Variants in PIANP observed in about 807,000 individuals in gnomAD.
The protein encoded by PIANP is PILR alpha associated neural protein.
PIANP carries 14 observed loss-of-function variants against 28.9 expected under a neutral mutation model. The ratio of observed to expected loss-of-function variants is 0.49; its 90% CI spans 0.32 to 0.76. The LOEUF (loss-of-function observed/expected upper bound fraction) is 0.76, where lower values mean the gene tolerates loss of function less well. Ranked by LOEUF, PIANP falls within the 30% of genes least tolerant of loss-of-function variation. The pLI is 0.03. For synonymous variants in PIANP, 149 were observed against 156.6 expected (o/e 0.95, Z 0.36); for missense variants, 322 against 371.8 (o/e 0.87, Z 1.10).
Position 6,694,991 on chromosome 12 carries a change from C to T in PIANP, c.*435G>A, listed in dbSNP as rs555075220. 3.1e-5 allele frequency: 48 copies of T among 1,537,982 alleles called. No homozygotes were observed. Among genetic ancestry groups the T allele is most frequent in the African/African-American group, 9.6e-5 (7 of 72,964 alleles). ...ACCCTCAGTGGGATGGGGGCTGTGC[C>T]GGCCCCTTGGCCTCCTGCTTGGCTG... is the stretch of plus-strand genomic sequence containing the variant. On this transcript the variant is annotated 3_prime_UTR_variant, in exon 5 of 5. Coordinates refer to ENST00000534837, the MANE Select transcript of PIANP (RefSeq NM_001244014.2). This position sits in a 1 kb window ranked among gnomAD's most constrained non-coding sequence, Gnocchi z 6.1.
rs1959855740 is a variant in PIANP, at chr12:6,696,155, T to C, written c.605+288A>G. On this transcript the variant is annotated intron_variant, in intron 4 of 4. Transcript: ENST00000534837. This position sits in a 1 kb window ranked among gnomAD's most constrained non-coding sequence, Gnocchi z 4.0. ...AAGGGCTCTGCAGACTGGGTCAGCT[T>C]TCTCTGTCTTGGAGGAAGTAGGGGC... Among the ~76,000 whole-genome samples the C allele has an allele frequency of 1.3e-5, 2 of 152,024 alleles. No individual in the cohort carries two copies.
In PIANP at chr12:6,696,359, T is replaced by A; in HGVS notation, c.605+84A>T. The A allele has an allele frequency of 2.8e-6, 3 of 1,064,048 alleles. No homozygotes were observed. Among genetic ancestry groups the A allele is most frequent in the Non-Finnish European group, 3.9e-6 (3 of 764,162 alleles). 65.9% of individuals were successfully genotyped at this position (1,064,048 alleles called of 1,614,324 possible). On this transcript the variant is annotated intron_variant, in intron 4 of 4. Coordinates refer to ENST00000534837, the MANE Select transcript of PIANP (RefSeq NM_001244014.2). This position sits in a 1 kb window ranked among gnomAD's most constrained non-coding sequence, Gnocchi z 4.0. ...TTTCCCACCCACCCCCCAGCAAAAT[T>A]GCTGCCACTGCCCCTCGTGGTTAGA...
chr12:6,695,616 C>A lies in PIANP; in HGVS notation c.641G>T (p.Gly214Val). 1 of 1,568,662 alleles carries A rather than the reference C, an allele frequency of 6.4e-7. No individual in the cohort carries two copies. The highest frequency in any genetic ancestry group is 8.6e-7 in the Non-Finnish European group (1 of 1,157,060). Reference protein sequence around the residue: ...DRSQKRRRPSGQQGALRQEES... With the variant: ...DRSQKRRRPSVQQGALRQEES... Reference sequence around the variant, plus strand: ...CTCCTGCCTCAGGGCACCTTGCTGCCCTGAGGGTCTGCGTCGCTTCTGGCT... The same window carrying A: ...CTCCTGCCTCAGGGCACCTTGCTGCACTGAGGGTCTGCGTCGCTTCTGGCT... Residue 214 changes from glycine to valine, a missense_variant, in exon 5 of 5, where the codon GGG (glycine) becomes GTG (valine). Physicochemically the swap from Gly to Val is moderately radical, Grantham distance 109. Coordinates refer to ENST00000534837, the MANE Select transcript of PIANP (RefSeq NM_001244014.2). The surrounding 1 kb of genome is among the most constrained non-coding windows in gnomAD (Gnocchi z 4.2).
chr12:6,700,675 G>A lies in PIANP; in HGVS notation c.-105C>T, dbSNP rs1960029220. 6.6e-6 allele frequency: 1 copy of A among 151,738 alleles called. No individual in the cohort carries two copies. The highest frequency in any genetic ancestry group is 1.5e-5 in the Non-Finnish European group (1 of 68,008). The allele number at this position is 151,738 out of a possible 1,614,324, so 9.4% of individuals were successfully genotyped here. ...GCTCGGGACTGAGCGGGGCTGGGGGGTCGCAGGAGCGGGCGGGGTGCGGGG... is the reference window on the plus strand; with the variant it reads ...GCTCGGGACTGAGCGGGGCTGGGGGATCGCAGGAGCGGGCGGGGTGCGGGG... On this transcript the variant is annotated 5_prime_UTR_variant, in exon 1 of 5. Transcript: ENST00000534837. The surrounding 1 kb of genome is among the most constrained non-coding windows in gnomAD (Gnocchi z 5.5).
chr12:6,692,737 C>T (rs149926637), downstream of PIANP, among the ~76,000 whole-genome samples: 1,237 of 152,212 alleles, frequency 8.1e-3, 12 homozygotes, highest in African/African-American at 0.028. Context: ...AGTGTGACGC[C>T]CTGAATGCAC....
chr12:6,697,449 T>C lies in PIANP; in HGVS notation c.361A>G (p.Asn121Asp). The C allele has an allele frequency of 6.2e-7, 1 of 1,613,994 alleles. No individual in the cohort carries two copies. The highest frequency in any genetic ancestry group is 8.5e-7 in the Non-Finnish European group (1 of 1,179,884). Reference protein sequence around the residue: ...TVSREDGGDPNSANPGFLDYG... With the variant: ...TVSREDGGDPDSANPGFLDYG... ...TCCAGAAATCCGGGATTGGCAGAGT[T>C]GGGGTCCCCTCCATCCTCTCGAGAC... The change falls in exon 3 of 5, where the codon AAC becomes GAC. Residue 121 changes from asparagine to aspartate, a missense_variant. By Grantham distance (23) the Asn-to-Asp change is conservative (BLOSUM62 1). Coordinates refer to ENST00000534837, the MANE Select transcript of PIANP (RefSeq NM_001244014.2). This position sits in a 1 kb window ranked among gnomAD's most constrained non-coding sequence, Gnocchi z 6.9.
intron 1 of PIANP, chr12:6,698,482 G>A (rs372038524): frequency 2.3e-5 from 6 of 257,008 alleles, no homozygotes; most frequent in African/African-American, 1.1e-4. Context: ...CTGAGGGTAG[G>A]GGGAGGGATG....
intron 1 of PIANP, 100 bp from the exon 2 acceptor site, chr12:6,698,204 CCAG>C (rs1959938717): frequency 2.2e-6 from 2 of 920,838 alleles, no homozygotes; most frequent in East Asian, 5.3e-5. Flanking sequence ...CCCAGGCCAC[CCAG>C]CTGCCAGCTA....
rs1959843211 is a variant in PIANP, at chr12:6,695,754, T to C, written c.606-103A>G. 7.8e-7 allele frequency: 1 copy of C among 1,276,868 alleles called. No homozygotes were observed. The highest frequency in any genetic ancestry group is 1.0e-6 in the Non-Finnish European group (1 of 992,176). The allele number at this position is 1,276,868 out of a possible 1,614,324, so 79.1% of individuals were successfully genotyped here. A position where few individuals can be genotyped will look rare whatever the true frequency, so the allele number is the denominator to read the frequency against. On this transcript the variant is annotated intron_variant, in intron 4 of 4. Coordinates refer to ENST00000534837, the MANE Select transcript of PIANP (RefSeq NM_001244014.2). This position sits in a 1 kb window ranked among gnomAD's most constrained non-coding sequence, Gnocchi z 4.2. ...CAGCCTCGCCCAGTCACTCCCAACA[T>C]CTTATAGCAGAGAAACTGGCCTTTA...
At position 6,695,154 on chromosome 12, in the gene PIANP, G is replaced by C; in HGVS notation, c.*272C>G. 6.7e-7 allele frequency: 1 copy of C among 1,499,612 alleles called. No homozygotes were observed. Among genetic ancestry groups the C allele is most frequent in the African/African-American group, 1.4e-5 (1 of 71,578 alleles). 92.9% of individuals were successfully genotyped at this position (1,499,612 alleles called of 1,614,324 possible). On this transcript the variant is annotated 3_prime_UTR_variant, in exon 5 of 5. Coordinates refer to ENST00000534837, the MANE Select transcript of PIANP (RefSeq NM_001244014.2). This position sits in a 1 kb window ranked among gnomAD's most constrained non-coding sequence, Gnocchi z 4.2. ...AAAGAGGGGGAATCAAGGTTAAGAG[G>C]GCAGAGTTGTCTTAGACAAGGTGGC...
Position 6,693,897 on chromosome 12 carries a change from G to A in PIANP, c.*1529C>T, listed in dbSNP as rs759951184. On this transcript the variant is annotated 3_prime_UTR_variant, in exon 5 of 5. Coordinates refer to ENST00000534837, the MANE Select transcript of PIANP (RefSeq NM_001244014.2). Reference sequence around the variant, plus strand: ...AGATAATACAAAAATATATATCACAGCCTAGGAGCCAGGGAAGAAGGGAAG... The same window carrying A: ...AGATAATACAAAAATATATATCACAACCTAGGAGCCAGGGAAGAAGGGAAG... The A allele has an allele frequency of 6.5e-6, 1 of 152,896 alleles. No individual in the cohort carries two copies. The highest frequency in any genetic ancestry group is 1.5e-5 in the Non-Finnish European group (1 of 68,132). The allele number at this position is 152,896 out of a possible 1,614,324, so 9.5% of individuals were successfully genotyped here.
Position 6,696,546 on chromosome 12 carries a change from T to C in PIANP, c.524-22A>G. 6.5e-7 allele frequency: 1 copy of C among 1,549,404 alleles called. No homozygotes were observed. Among genetic ancestry groups the C allele is most frequent in the Non-Finnish European group, 8.7e-7 (1 of 1,144,326 alleles). On this transcript the variant is annotated intron_variant, in intron 3 of 4. Transcript: ENST00000534837. The surrounding 1 kb of genome is among the most constrained non-coding windows in gnomAD (Gnocchi z 4.0). ...ACACCTGATTGGGGTGGGAAGAAAG[T>C]TTTAGGGAGCCCCGAGGTGGTAGGA...
chr12:6,695,504 G>T lies in PIANP; in HGVS notation c.753C>A (p.Asp251Glu), dbSNP rs764919658. The T allele has an allele frequency of 9.7e-6, 15 of 1,553,936 alleles. No individual in the cohort carries two copies. The highest frequency in any genetic ancestry group is 2.4e-5 in the East Asian group (1 of 42,124). The change falls in exon 5 of 5, where the codon GAC (aspartate) becomes GAA (glutamate). Residue 251 changes from aspartate to glutamate, a missense_variant. Physicochemically the swap from Asp to Glu is conservative, Grantham distance 45 (BLOSUM62 2). Transcript: ENST00000534837. This position sits in a 1 kb window ranked among gnomAD's most constrained non-coding sequence, Gnocchi z 4.2. Reference sequence around the variant, plus strand: ...GGGGTCCCCCTCGGGGCTCCTCATGGTCAGGGGTGGGGGTAGGTGAGTCCC... The same window carrying T: ...GGGGTCCCCCTCGGGGCTCCTCATGTTCAGGGGTGGGGGTAGGTGAGTCCC... ...AFGDSPTPTPDHEEPRGGPRP... is the reference protein window; with the variant it reads ...AFGDSPTPTPEHEEPRGGPRP...
rs1265596630 is a variant in PIANP at position 6,700,643 on chromosome 12, T to C, written c.-73A>G. The C allele has an allele frequency of 7.2e-6, 1 of 138,274 alleles. No homozygotes were observed. Among genetic ancestry groups the C allele is most frequent in the Non-Finnish European group, 1.5e-5 (1 of 65,090 alleles). 8.6% of individuals were successfully genotyped at this position (138,274 alleles called of 1,614,324 possible). On this transcript the variant is annotated 5_prime_UTR_variant, in exon 1 of 5. Transcript: ENST00000534837. The surrounding 1 kb of genome is among the most constrained non-coding windows in gnomAD (Gnocchi z 5.5). ...ATGCTTGGCGCGGCGGCGCGACGAC[T>C]GCGGGCGCTCGGGACTGAGCGGGGC...
In PIANP at chr12:6,698,028, T is replaced by C; in HGVS notation, c.17+17A>G. ...GGGAATGTGGTCTCCAGGCTCCCTC[T>C]GCTGGGCCAAACTTACCACATCCTG... On this transcript the variant is annotated intron_variant, in intron 2 of 4. Transcript: ENST00000534837. 1 of 1,558,108 alleles carries C rather than the reference T, an allele frequency of 6.4e-7. No individual in the cohort carries two copies.
chr12:6,695,483 T>C lies in PIANP; in HGVS notation c.774A>G (p.Gly258=). Reference sequence around the variant, plus strand: ...TGGGGTGGGGCATCCCAGGCCGGGGTCCCCCTCGGGGCTCCTCATGGTCAG... The same window carrying C: ...TGGGGTGGGGCATCCCAGGCCGGGGCCCCCCTCGGGGCTCCTCATGGTCAG... ...PTPDHEEPRG[G]PRPGMPHPKG... Residue 258 remains glycine (G), a synonymous_variant, in exon 5 of 5, where the codon GGA becomes GGG. Coordinates refer to ENST00000534837, the MANE Select transcript of PIANP (RefSeq NM_001244014.2). This position sits in a 1 kb window ranked among gnomAD's most constrained non-coding sequence, Gnocchi z 4.2. 4 of 1,522,670 alleles carry C rather than the reference T, an allele frequency of 2.6e-6. No individual in the cohort carries two copies. The highest frequency in any genetic ancestry group is 1.3e-5 in the South Asian group (1 of 76,552). The allele number at this position is 1,522,670 out of a possible 1,614,324, so 94.3% of individuals were successfully genotyped here. A position where few individuals can be genotyped will look rare whatever the true frequency, so the allele number is the denominator to read the frequency against.
intron 1 of PIANP, among the ~76,000 whole-genome samples, chr12:6,699,504 A>G (rs1959984145): frequency 6.6e-6 from 1 of 152,004 alleles, no homozygotes; most frequent in African/African-American, 2.4e-5. Flanking sequence ...TGGGTACAGA[A>G]GACTCGAACT....
chr12:6,699,015 G>A (rs1196001988), intron 1 of PIANP, among the ~76,000 whole-genome samples: 1 of 152,184 alleles, frequency 6.6e-6, no homozygotes, highest in Non-Finnish European at 1.5e-5. Context: ...AAGCCAAGGC[G>A]GGTGGATCAC....
rs371402346 is a variant in PIANP, at chr12:6,697,786, C to A, written c.24G>T (p.Ala8=). 6.5e-7 allele frequency: 1 copy of A among 1,538,326 alleles called. No homozygotes were observed. Among genetic ancestry groups the A allele is most frequent in the Admixed American group, 2.2e-5 (1 of 44,676 alleles). Residue 8 remains alanine (A), a synonymous_variant, in exon 3 of 5, where the codon GCG becomes GCT. Transcript: ENST00000534837. The surrounding 1 kb of genome is among the most constrained non-coding windows in gnomAD (Gnocchi z 6.9). The part of the protein sequence containing the change: MESRMWP[A]LLLSHLLPLW... ...GAGGGAGGAGGTGGGACAGCAGCAGCGCAGGCCTGCAAGAAGGGAGAGAGC... is the reference window on the plus strand; with the variant it reads ...GAGGGAGGAGGTGGGACAGCAGCAGAGCAGGCCTGCAAGAAGGGAGAGAGC...
Sources: gnomAD v4.1 joint callset for allele counts (sites outside exome capture counted in the v4.1 genomes callset) on GRCh38, gnomAD v4.1.1 for gene constraint, Gnocchi (gnomAD v3.1) non-coding constraint, MANE v1.5 for transcripts, NCBI Gene and HGNC (gene_info 2026-07-23, HGNC 2026-07-21) for gene names.